NFATC1: variants seen among roughly 807,000 people sequenced by gnomAD.
NFATC1 encodes the protein nuclear factor of activated T-cells, cytoplasmic 1.
In NFATC1, 22 loss-of-function variants were observed where a neutral mutation model predicts 76.0. That is an observed-to-expected ratio of 0.29 (90% CI 0.21 to 0.41). The LOEUF (loss-of-function observed/expected upper bound fraction) is 0.41. Among genes scored for constraint, NFATC1 ranks in the 10% least tolerant of loss-of-function variants. The pLI, the probability that NFATC1 is intolerant of heterozygous loss-of-function variation, is 1.00. For missense variants in NFATC1, 1,357 were observed against 1,337.7 expected (o/e 1.01, Z -0.23); for synonymous variants, 704 against 613.1 (o/e 1.15, Z -2.19).
Position 79,486,674 on chromosome 18 carries a change from A to T in NFATC1, c.2519A>T (p.His840Leu), listed in dbSNP as rs2089507999. The change falls in exon 9 of 10, where the codon CAC becomes CTC. Residue 840 changes from histidine to leucine, a missense_variant. Physicochemically the swap from His to Leu is moderately conservative, Grantham distance 99. Coordinates refer to ENST00000427363, the MANE Select transcript of NFATC1 (RefSeq NM_001278669.2). ...PSSSCPPGLE[H>L]SLCPSSPSPP... ...AGTAGCTGCCCCCCTGGTCTCGAAC[A>T]CTCGCTCTGCCCCAGCAGCCCCTCT... The T allele has an allele frequency of 6.2e-7, 1 of 1,602,266 alleles. No homozygotes were observed. The highest frequency in any genetic ancestry group is 1.3e-5 in the African/African-American group (1 of 74,542).
chr18:79,399,655 G>C (rs903460249), intron 1 of NFATC1, among the ~76,000 whole-genome samples: 4 of 152,208 alleles, frequency 2.6e-5, no homozygotes, highest in African/African-American at 9.6e-5. Flanking sequence ...CATCTTTGGA[G>C]GTGCCCCTAG....
intron 3 of NFATC1, among the ~76,000 whole-genome samples, chr18:79,443,957 G>T (rs933599484): frequency 1.3e-5 from 2 of 152,200 alleles, no homozygotes; most frequent in African/African-American, 2.4e-5. Context: ...GGATTTGGGG[G>T]TCAGGAGGGC....
In NFATC1 at chr18:79,411,149, C is replaced by T. The variant is rs1352420129; in HGVS notation, c.874C>T (p.Arg292Trp). The T allele has an allele frequency of 5.6e-6, 9 of 1,612,316 alleles. No individual in the cohort carries two copies. The highest frequency in any genetic ancestry group is 2.2e-5 in the East Asian group (1 of 44,870). ...SPTPSPHGSP[R>W]VSVTDDSWLG... ...CACGCCGTCCCCGCACGGCTCCCCG[C>T]GGGTCAGCGTGACCGACGACTCGTG... The change falls in exon 2 of 10, where the codon CGG (arginine) becomes TGG (tryptophan). Residue 292 changes from arginine (R) to tryptophan (W), a missense_variant. Around this residue, in one of 3 missense-constraint regions of NFATC1, gnomAD observed 691 missense variants for 613.1 expected, o/e 1.13. Transcript: ENST00000427363.
At chr18:79,464,670 G>GTACGTATATATATACACACATGTATATA (rs2088348511) in intron 7 of NFATC1, among the ~76,000 whole-genome samples, 1 of 112,678 alleles carries the variant, frequency 8.9e-6, no homozygotes, top group Non-Finnish European at 1.8e-5. Context: ...GTGTGTGTGT[G>GTACGTATATATATACACACATGTATATA]TATATGTATG....
chr18:79,442,614 A>G (rs1304156739), intron 3 of NFATC1, among the ~76,000 whole-genome samples: 1 of 152,244 alleles, frequency 6.6e-6, no homozygotes, highest in Non-Finnish European at 1.5e-5. Context: ...GAGTGGGGAT[A>G]CAATGTTGGT....
At chr18:79,398,536 C>CG (rs984015709) in intron 1 of NFATC1, among the ~76,000 whole-genome samples, 1 of 151,912 alleles carries the variant, frequency 6.6e-6, no homozygotes, top group African/African-American at 2.4e-5. Flanking sequence ...AGCACTGGGG[C>CG]GGGGGAAGGG....
rs1396753011 is a variant in NFATC1, at chr18:79,396,209, CG to C, written c.-15del. 2 of 1,450,052 alleles carry C rather than the reference CG, an allele frequency of 1.4e-6. No individual in the cohort carries two copies. Among genetic ancestry groups the C allele is most frequent in the Admixed American group, 2.1e-5 (1 of 46,888 alleles). 89.8% of individuals were successfully genotyped at this position (1,450,052 alleles called of 1,614,324 possible). A position where few individuals can be genotyped will look rare whatever the true frequency, so the allele number is the denominator to read the frequency against. ...TGCCTCCGCCCGCCGCTCCACTCCC[CG>C]CCGCCGCCGCGCGGATGCCAAGCAC... On this transcript the variant is annotated 5_prime_UTR_variant, in exon 1 of 10. Transcript: ENST00000427363.
chr18:79,468,955 C>T (rs1444128670), intron 8 of NFATC1: 1 of 148,158 alleles, frequency 6.7e-6, no homozygotes, highest in Non-Finnish European at 1.5e-5. Flanking sequence ...TGGGGAAGGG[C>T]CTCACGCTCT....
intron 9 of NFATC1, among the ~76,000 whole-genome samples, chr18:79,495,826 C>G: frequency 6.6e-6 from 1 of 151,942 alleles, no homozygotes; most frequent in East Asian, 1.9e-4. Context: ...ATGGGTGTGT[C>G]ACTGTAACAC....
chr18:79,475,689 G>T (rs1286883138), intron 8 of NFATC1, among the ~76,000 whole-genome samples: 1 of 152,244 alleles, frequency 6.6e-6, no homozygotes, highest in Non-Finnish European at 1.5e-5. Flanking sequence ...CTCACATGCT[G>T]TGGGGTGCTG....
In NFATC1 at chr18:79,448,813, T is replaced by A; in HGVS notation, c.1418T>A (p.Met473Lys). Reference sequence around the variant, plus strand: ...GGCTACTTGGAGAATGAGCCGCTGATGCTGCAGCTTTTCATTGGGACGGCG... The same window carrying A: ...GGCTACTTGGAGAATGAGCCGCTGAAGCTGCAGCTTTTCATTGGGACGGCG... ...LHGYLENEPL[M>K]LQLFIGTADD... Residue 473 changes from methionine to lysine, a missense_variant, in exon 4 of 10, where the codon ATG (methionine) becomes AAG (lysine). Transcript: ENST00000427363. 1 of 1,613,920 alleles carries A rather than the reference T, an allele frequency of 6.2e-7. No homozygotes were observed. The highest frequency in any genetic ancestry group is 1.1e-5 in the South Asian group (1 of 91,086).
intron 9 of NFATC1, chr18:79,497,713 A>G (rs2089924777): frequency 1.3e-5 from 2 of 151,648 alleles, no homozygotes; most frequent in Non-Finnish European, 2.9e-5. Flanking sequence ...GCTGACCTCA[A>G]AACCCCACCA....
chr18:79,464,690 A>ACACACATGTGTG (rs1293570600), intron 7 of NFATC1, among the ~76,000 whole-genome samples: 1 of 113,772 alleles, frequency 8.8e-6, no homozygotes, highest in African/African-American at 4.4e-5. Context: ...GTGTATATAT[A>ACACACATGTGTG]TATATTTATT....
chr18:79,401,050 C>T (rs2085228623), intron 1 of NFATC1, among the ~76,000 whole-genome samples: 2 of 126,874 alleles, frequency 1.6e-5, no homozygotes, highest in Non-Finnish European at 3.2e-5. Flanking sequence ...CCTTTTCTTT[C>T]ATTTTCTCTT....
intron 9 of NFATC1, among the ~76,000 whole-genome samples, chr18:79,514,584 A>C (rs991209634): frequency 1.3e-5 from 2 of 150,942 alleles, no homozygotes; most frequent in African/African-American, 2.4e-5. Flanking sequence ...AAAAAAAAAA[A>C]AAAAAAACCA....
At chr18:79,400,357 C>G (rs763817522) in intron 1 of NFATC1, 1 of 1,394,916 alleles carries the variant, frequency 7.2e-7, no homozygotes, top group South Asian at 1.4e-5. Context: ...GCGGCCGCGA[C>G]CCCGGCTCCC....
chr18:79,503,821 C>G (rs2090063914), intron 9 of NFATC1, among the ~76,000 whole-genome samples: 1 of 152,240 alleles, frequency 6.6e-6, no homozygotes, highest in Non-Finnish European at 1.5e-5. Context: ...CACCAATGGT[C>G]TCAGCCAGAT....
At chr18:79,455,417 C>G (rs1031288964) in intron 6 of NFATC1, among the ~76,000 whole-genome samples, 1 of 152,150 alleles carries the variant, frequency 6.6e-6, no homozygotes, top group African/African-American at 2.4e-5. Context: ...GGCCCCTCTA[C>G]GTGGCCTCCC....
chr18:79,454,258 C>T (rs1220700090), intron 6 of NFATC1, among the ~76,000 whole-genome samples: 3 of 152,226 alleles, frequency 2.0e-5, no homozygotes, highest in Non-Finnish European at 4.4e-5. Context: ...GCTCTGGACA[C>T]AGGCCAGGGT....
Sources: allele counts gnomAD v4.1 joint callset (sites outside exome capture counted in the v4.1 genomes callset), GRCh38; gene constraint gnomAD v4.1.1; regional missense constraint gnomAD v4.1.1; transcripts MANE v1.5; gene names NCBI Gene and HGNC (gene_info 2026-07-23, HGNC 2026-07-21).